COL4A6: variants seen among roughly 807,000 people sequenced by gnomAD.
The protein encoded by COL4A6 is collagen alpha-6(IV) chain.
A neutral mutation model predicts 126.7 loss-of-function variants in COL4A6; 59 were observed. The ratio of observed to expected loss-of-function variants is 0.47; its 90% CI spans 0.38 to 0.58. The LOEUF is 0.58. COL4A6 is among the 20% of genes least tolerant of loss of function. COL4A6 has a pLI of 0.00. For missense variants in COL4A6, 1,285 were observed against 1,337.3 expected, an observed-to-expected ratio of 0.96 and a Z score of 0.61; for synonymous variants, 547 against 496.6, an observed-to-expected ratio of 1.10 and a Z score of -1.35.
intron 20 of COL4A6, 55 bp from the exon 21 acceptor site, chrX:108,188,732 A>G (rs2034949601): frequency 9.7e-7 from 1 of 1,029,523 alleles, no homozygotes; most frequent in Non-Finnish European, 1.3e-6. Flanking sequence ...CAAGAAGAAT[A>G]AAGAATTGAT....
At chrX:108,437,040 T>TA (rs949162384) in intron 2 of COL4A6, among the ~76,000 whole-genome samples, 5 of 111,620 alleles carry the variant, frequency 4.5e-5, no homozygotes, top group South Asian at 3.7e-4. Context: ...TAAGAATTTT[T>TA]AAAAAAAATA....
intron 3 of COL4A6, among the ~76,000 whole-genome samples, chrX:108,239,308 C>T (rs1219896579): frequency 8.9e-6 from 1 of 112,298 alleles, no homozygotes; most frequent in Non-Finnish European, 1.9e-5. Context: ...CCTACATTTA[C>T]AGTTTTACCT....
chrX:108,169,755 T>C lies in COL4A6; in HGVS notation c.3566-135A>G, dbSNP rs1236322940. ...AGTACTGAAGTAACAAGAAAGAAAGTTAATCTGAGTAGAAGAAAAAAACCC... is the reference window on the plus strand; with the variant it reads ...AGTACTGAAGTAACAAGAAAGAAAGCTAATCTGAGTAGAAGAAAAAAACCC... On this transcript the variant is annotated intron_variant, in intron 36 of 44. Coordinates refer to ENST00000334504, the MANE Select transcript of COL4A6 (RefSeq NM_033641.4). The C allele has an allele frequency of 6.4e-6, 6 of 943,120 alleles. No individual in the cohort carries two copies. In the African/African-American group the frequency reaches 1.2e-4, roughly 19 times the overall value. The allele number at this position is 943,120 out of a possible 1,213,427, so 77.7% of individuals were successfully genotyped here.
At chrX:108,313,058 G>A (rs1317731030) in intron 2 of COL4A6, among the ~76,000 whole-genome samples, 3 of 112,856 alleles carry the variant, frequency 2.7e-5, no homozygotes, top group Non-Finnish European at 5.6e-5. Context: ...CTTTGTCACT[G>A]AGGAAAGTAA....
At chrX:108,171,124 G>A (rs1276113042) in intron 33 of COL4A6, among the ~76,000 whole-genome samples, 1 of 112,388 alleles carries the variant, frequency 8.9e-6, no homozygotes. Flanking sequence ...TCAGAAGTGG[G>A]AGCAATAAGT....
chrX:108,307,594 G>T (rs1217190706), intron 3 of COL4A6, among the ~76,000 whole-genome samples: 3 of 112,325 alleles, frequency 2.7e-5, no homozygotes, highest in African/African-American at 9.7e-5. Context: ...CAAGCTATGC[G>T]CTTGATGTTT....
At chrX:108,171,597 G>A (rs1313210719) in intron 32 of COL4A6, 136 bp from the exon 33 acceptor site, 1 of 494,933 alleles carries the variant, frequency 2.0e-6, no homozygotes, top group Non-Finnish European at 3.4e-6. Flanking sequence ...TATCTATTGG[G>A]TAAAAAGTGA....
At chrX:108,345,179 A>T (rs2039677569) in intron 2 of COL4A6, among the ~76,000 whole-genome samples, 1 of 111,823 alleles carries the variant, frequency 8.9e-6, no homozygotes, top group Non-Finnish European at 1.9e-5. Context: ...TAAAACTTCA[A>T]GTACTATGTT....
At chrX:108,411,617 TG>T (rs1204891602) in intron 2 of COL4A6, among the ~76,000 whole-genome samples, 1 of 112,123 alleles carries the variant, frequency 8.9e-6, no homozygotes, top group Non-Finnish European at 1.9e-5. Flanking sequence ...CCATTACTTT[TG>T]TCCCCTTAAA....
intron 2 of COL4A6, among the ~76,000 whole-genome samples, chrX:108,390,560 G>A (rs756194394): frequency 9.2e-6 from 1 of 109,017 alleles, no homozygotes; most frequent in Non-Finnish European, 1.9e-5. Flanking sequence ...AAGTTCTCAT[G>A]TTGTGTTTTT....
At chrX:108,194,767 C>A in intron 15 of COL4A6, 180 bp from the exon 16 acceptor site, 1 of 470,505 alleles carries the variant, frequency 2.1e-6, no homozygotes, top group East Asian at 3.6e-5. Context: ...CAGTAGGTAG[C>A]CAATTTACAT....
At chrX:108,282,421 G>T (rs772010407) in intron 3 of COL4A6, among the ~76,000 whole-genome samples, 2 of 111,195 alleles carry the variant, frequency 1.8e-5, no homozygotes, top group African/African-American at 6.5e-5. Context: ...GGCCATCAGA[G>T]AAATGCAAAT....
intron 3 of COL4A6, among the ~76,000 whole-genome samples, chrX:108,280,839 C>T (rs1471089549): frequency 9.0e-6 from 1 of 111,672 alleles, no homozygotes; most frequent in African/African-American, 3.3e-5. Flanking sequence ...GCTGGTTCAA[C>T]ATACACAAAT....
Position 108,156,918 on chromosome X carries a change from T to G in COL4A6, c.*82A>C, listed in dbSNP as rs2033755483. 2.0e-6 allele frequency: 2 copies of G among 1,009,894 alleles called. No individual in the cohort carries two copies. The highest frequency in any genetic ancestry group is 2.2e-5 in the South Asian group (1 of 46,422). The allele number at this position is 1,009,894 out of a possible 1,213,427, so 83.2% of individuals were successfully genotyped here. A position where few individuals can be genotyped will look rare whatever the true frequency, so the allele number is the denominator to read the frequency against. On this transcript the variant is annotated 3_prime_UTR_variant, in exon 45 of 45. Transcript: ENST00000334504. ...TTGACAGGCAAAGGGGCTCAGGCCT[T>G]CCTTCTTCAGACCATTCAGGTTTGT...
chrX:108,274,951 C>A (rs999212776), intron 3 of COL4A6, among the ~76,000 whole-genome samples: 10 of 111,319 alleles, frequency 9.0e-5, no homozygotes, highest in Non-Finnish European at 1.7e-4. Context: ...GTCCCACCCA[C>A]ACTCAAGAGG....
At chrX:108,190,603 C>A (rs2035009242) in intron 19 of COL4A6, 107 bp from the exon 20 acceptor site, 1 of 468,532 alleles carries the variant, frequency 2.1e-6, no homozygotes, top group Admixed American at 3.5e-5. Flanking sequence ...TGAGGCTGAA[C>A]AACAGAGCAG....
chrX:108,199,991 G>A (rs1477359742), intron 13 of COL4A6, among the ~76,000 whole-genome samples: 1 of 111,852 alleles, frequency 8.9e-6, no homozygotes, highest in Non-Finnish European at 1.9e-5. Context: ...TTGAGGCTGT[G>A]GTTTCCTCAT....
At chrX:108,310,868 A>G in intron 2 of COL4A6, 40 bp from the exon 3 acceptor site, 1 of 1,070,013 alleles carries the variant, frequency 9.3e-7, no homozygotes, top group African/African-American at 1.8e-5. Flanking sequence ...CATGTGAACC[A>G]AGAAGCAATG....
chrX:108,279,480 C>CAGATTCAT (rs1337329774), intron 3 of COL4A6, among the ~76,000 whole-genome samples: 1 of 111,852 alleles, frequency 8.9e-6, no homozygotes, highest in East Asian at 2.8e-4. Flanking sequence ...CAGGAGCACC[C>CAGATTCAT]AGATTCATAA....
Sources: gnomAD v4.1 joint callset for allele counts (sites outside exome capture counted in the v4.1 genomes callset) on GRCh38, gnomAD v4.1.1 for gene constraint, MANE v1.5 for transcripts, NCBI Gene and HGNC (gene_info 2026-07-23, HGNC 2026-07-21) for gene names.